Variants in DMD observed in about 807,000 individuals in gnomAD.
DMD encodes the protein mutant dystrophin.
Under a neutral mutation model 330.1 loss-of-function variants are expected in DMD, and 63 were observed. The observed-to-expected ratio is 0.19, with a 90% CI of 0.16 to 0.24. The LOEUF is 0.24. Ranked by LOEUF, DMD falls within the 10% of genes least tolerant of loss-of-function variation. The pLI is 1.00. For missense variants in DMD, 3,344 were observed against 2,684.1 expected, an observed-to-expected ratio of 1.25 and a Z score of -5.43; for synonymous variants, 1,223 against 959.8, an observed-to-expected ratio of 1.27 and a Z score of -5.07.
intron 60 of DMD, among the ~76,000 whole-genome samples, chrX:31,365,855 T>C (rs1482059428): frequency 8.9e-6 from 1 of 112,694 alleles, no homozygotes; most frequent in African/African-American, 3.2e-5. Flanking sequence ...CGTAGGTGAA[T>C]GGGGTCTAAA....
chrX:33,288,797 C>T (rs1168486734), intron 1 of DMD, among the ~76,000 whole-genome samples: 5 of 111,643 alleles, frequency 4.5e-5, no homozygotes, highest in Non-Finnish European at 9.4e-5. Context: ...ATCACCTTTC[C>T]AGAAAGGTCA....
intron 52 of DMD, among the ~76,000 whole-genome samples, chrX:31,694,219 G>A (rs1235021461): frequency 9.0e-6 from 1 of 110,585 alleles, no homozygotes; most frequent in Non-Finnish European, 1.9e-5. Context: ...AATAAAACTG[G>A]ACCCTTATCT....
chrX:32,564,343 G>A (rs189870349), intron 16 of DMD, among the ~76,000 whole-genome samples: 56 of 111,504 alleles, frequency 5.0e-4, no homozygotes, highest in African/African-American at 1.8e-3. Context: ...TCTTAACACG[G>A]CAACTGACCA....
chrX:33,153,266 C>T (rs1265698979), intron 1 of DMD, among the ~76,000 whole-genome samples: 1 of 112,286 alleles, frequency 8.9e-6, no homozygotes, highest in Non-Finnish European at 1.9e-5. Context: ...CAAAGTTAGC[C>T]GGGCATGGTA....
intron 52 of DMD, among the ~76,000 whole-genome samples, chrX:31,700,604 A>G (rs1472090218): frequency 1.8e-5 from 2 of 112,142 alleles, no homozygotes; most frequent in African/African-American, 6.5e-5. Context: ...GGTTTTTACC[A>G]CTGGTTGGAG....
chrX:32,008,046 T>C (rs909689014), intron 44 of DMD, among the ~76,000 whole-genome samples: 2 of 111,409 alleles, frequency 1.8e-5, no homozygotes, highest in African/African-American at 6.5e-5. Flanking sequence ...GACAGGTCAT[T>C]ACTACCGATC....
chrX:31,401,528 G>A (rs895048102), intron 60 of DMD, among the ~76,000 whole-genome samples: 1 of 111,350 alleles, frequency 9.0e-6, no homozygotes. Flanking sequence ...TGATATAAAT[G>A]ATCTCATTTA....
At chrX:31,932,350 T>C in intron 45 of DMD, 123 bp from the exon 46 acceptor site, 1 of 511,306 alleles carries the variant, frequency 2.0e-6, no homozygotes, top group Non-Finnish European at 3.2e-6. Flanking sequence ...ATGTTAACCA[T>C]ACATAATTTA....
At chrX:33,139,868 T>TAAAAAAAAAAAA (rs3990971) in intron 1 of DMD, among the ~76,000 whole-genome samples, 12 of 64,354 alleles carry the variant, frequency 1.9e-4, no homozygotes, top group African/African-American at 9.6e-4. Flanking sequence ...GCCCCATCGC[T>TAAAAAAAAAAAA]AAAAAAAAAA....
intron 52 of DMD, among the ~76,000 whole-genome samples, chrX:31,692,361 C>G (rs1054109928): frequency 1.8e-5 from 2 of 109,690 alleles, no homozygotes; most frequent in African/African-American, 6.6e-5. Context: ...CAGGAAACTA[C>G]AAAAAGAAGA....
intron 2 of DMD, among the ~76,000 whole-genome samples, chrX:32,959,955 C>T (rs2091810735): frequency 8.9e-6 from 1 of 111,909 alleles, no homozygotes; most frequent in Admixed American, 9.5e-5. Context: ...CAGATTACCA[C>T]TCTACCATCT....
Position 31,221,223 on chromosome X carries a change from G to C in DMD, c.9361+1824C>G, listed in dbSNP as rs58546122. On this transcript the variant is annotated intron_variant, in intron 64 of 78. Transcript: ENST00000357033. The stretch of plus-strand genomic sequence containing the variant: ...CACAGCAAGAATCATCTTTCTAAGC[G>C]ACAATCTGATTATGTCACCCCCAGG... Among the ~76,000 whole-genome samples the C allele has an allele frequency of 5.0e-3, 545 of 109,594 alleles. 2 individuals carry two copies. The highest frequency in any genetic ancestry group is 0.017 in the African/African-American group (523 of 30,376).
intron 74 of DMD, among the ~76,000 whole-genome samples, chrX:31,149,865 C>A (rs1369595051): frequency 9.0e-6 from 1 of 111,648 alleles, no homozygotes; most frequent in Admixed American, 9.5e-5. Context: ...GTTATATTTC[C>A]ATTTTCACTT....
intron 7 of DMD, among the ~76,000 whole-genome samples, chrX:32,710,933 A>G (rs749426261): frequency 9.0e-6 from 1 of 111,539 alleles, no homozygotes; most frequent in African/African-American, 3.3e-5. Flanking sequence ...ATAAAGAAAC[A>G]AAAACCTAGG....
At chrX:32,689,828 T>A (rs1165759373) in intron 9 of DMD, among the ~76,000 whole-genome samples, 1 of 111,098 alleles carries the variant, frequency 9.0e-6, no homozygotes, top group Admixed American at 9.7e-5. Context: ...GAAAACTTGT[T>A]TGGCAAAATT....
At chrX:31,163,425 CCT>C (rs2039076701) in intron 74 of DMD, among the ~76,000 whole-genome samples, 2 of 111,667 alleles carry the variant, frequency 1.8e-5, no homozygotes, top group African/African-American at 6.5e-5. Flanking sequence ...GTCCATTAAA[CCT>C]CTTTTTCTTT....
intron 11 of DMD, among the ~76,000 whole-genome samples, chrX:32,626,150 T>A (rs759495371): frequency 8.9e-6 from 1 of 111,968 alleles, no homozygotes; most frequent in East Asian, 2.8e-4. Flanking sequence ...CTGATGAAAA[T>A]TGGAATTGAT....
intron 21 of DMD, among the ~76,000 whole-genome samples, chrX:32,483,164 T>TATATATATATATATATATAC (rs1481445275): frequency 0.02 from 1,221 of 61,526 alleles, 172 homozygotes; most frequent in East Asian, 0.04. Flanking sequence ...TATATATATA[T>TATATATATATATATATATAC]ACACCATATT....
intron 61 of DMD, among the ~76,000 whole-genome samples, chrX:31,340,338 T>C (rs1016791169): frequency 8.9e-6 from 1 of 112,633 alleles, no homozygotes; most frequent in African/African-American, 3.2e-5. Context: ...CAGAGTCCCA[T>C]TGCCACTGCA....
Sources: allele counts gnomAD v4.1 joint callset (sites outside exome capture counted in the v4.1 genomes callset), GRCh38; gene constraint gnomAD v4.1.1; transcripts MANE v1.5; gene names NCBI Gene and HGNC (gene_info 2026-07-23, HGNC 2026-07-21).